Variants in TMEM135 observed in about 807,000 individuals in gnomAD.
The protein encoded by TMEM135 is peroxisomal membrane protein 52.
TMEM135 carries 30 observed loss-of-function variants against 60.3 expected under a neutral mutation model. The observed-to-expected ratio is 0.50, with a 90% CI of 0.37 to 0.68. TMEM135 has a LOEUF of 0.68. Ranked by LOEUF, TMEM135 falls within the 30% of genes least tolerant of loss-of-function variation. The pLI is 0.00. For synonymous variants in TMEM135, 190 were observed against 186.7 expected (o/e 1.02, Z -0.14); for missense variants, 468 against 548.8 (o/e 0.85, Z 1.47).
chr11:87,194,337 TAA>T (rs1430759097), intron 5 of TMEM135, among the ~76,000 whole-genome samples: 1 of 152,204 alleles, frequency 6.6e-6, no homozygotes, highest in Admixed American at 6.5e-5. Context: ...TTACTTATGC[TAA>T]AGTTTGCAGT....
At chr11:87,261,640 T>C (rs1015414915) in intron 6 of TMEM135, among the ~76,000 whole-genome samples, 1 of 151,966 alleles carries the variant, frequency 6.6e-6, no homozygotes, top group African/African-American at 2.4e-5. Context: ...CTAGAATTCT[T>C]TTTTTTTGAG....
Position 87,043,144 on chromosome 11 carries a change from G to A in TMEM135, c.141+4958G>A, listed in dbSNP as rs184921635. On this transcript the variant is annotated intron_variant, in intron 1 of 14. Coordinates refer to ENST00000305494, the MANE Select transcript of TMEM135 (RefSeq NM_022918.4). ...CTAATTTTGTATTTTTAGTAGAGACGGGGTTTCTGCATGTTGGTCAGGTTG... is the reference window on the plus strand; with the variant it reads ...CTAATTTTGTATTTTTAGTAGAGACAGGGTTTCTGCATGTTGGTCAGGTTG... Among the ~76,000 whole-genome samples the A allele has an allele frequency of 1.9e-4, 29 of 151,368 alleles. No individual in the cohort carries two copies. The East Asian group carries it at 3.9e-3, about 21-fold the overall frequency.
Position 87,302,440 on chromosome 11 carries a change from A to C in TMEM135, c.696A>C (p.Ser232=), listed in dbSNP as rs143809398. 9.5e-5 allele frequency: 153 copies of C among 1,613,820 alleles called. 1 individual carries two copies. In the African/African-American group the frequency reaches 1.7e-3, roughly 18 times the overall value. ...MIGLVRKFVD[S]ICKHGPRHRC... ...GTCTAGTCAGGAAATTTGTGGATTC[A>C]ATGTGAGCTCTTTATCTTGATATTT... The change falls in exon 8 of 15, where the codon TCA becomes TCC. Residue 232 remains serine (S), a splice_region_variant and synonymous_variant. Coordinates refer to ENST00000305494, the MANE Select transcript of TMEM135 (RefSeq NM_022918.4).
intron 6 of TMEM135, among the ~76,000 whole-genome samples, chr11:87,270,063 T>A (rs1440732783): frequency 2.9e-5 from 4 of 137,762 alleles, no homozygotes; most frequent in Admixed American, 7.3e-5. Context: ...GGTATCTCAT[T>A]GTGGTTTTGA....
intron 1 of TMEM135, among the ~76,000 whole-genome samples, chr11:87,066,582 C>T (rs532833900): frequency 6.1e-5 from 8 of 132,226 alleles, no homozygotes; most frequent in Non-Finnish European, 1.2e-4. Context: ...ATCTTCCTTT[C>T]ATATTCAGAG....
intron 5 of TMEM135, among the ~76,000 whole-genome samples, chr11:87,194,841 G>C (rs951035442): frequency 6.6e-6 from 1 of 152,024 alleles, no homozygotes; most frequent in African/African-American, 2.4e-5. Context: ...GAAATTATAG[G>C]TATCTTGCTA....
intron 3 of TMEM135, among the ~76,000 whole-genome samples, chr11:87,080,165 A>AGT (rs201693904): frequency 0.17 from 19,697 of 117,492 alleles, 1,487 homozygotes; most frequent in Middle Eastern, 0.18. Flanking sequence ...GCCTGTTTGC[A>AGT]GTGTTTTTTT....
chr11:87,239,846 A>T (rs1273346718), intron 6 of TMEM135, among the ~76,000 whole-genome samples: 1 of 152,138 alleles, frequency 6.6e-6, no homozygotes, highest in African/African-American at 2.4e-5. Context: ...GAATTTACTT[A>T]AAAGCAACAC....
intron 5 of TMEM135, among the ~76,000 whole-genome samples, chr11:87,174,697 G>T (rs774825902): frequency 6.6e-6 from 1 of 152,138 alleles, no homozygotes; most frequent in Non-Finnish European, 1.5e-5. Context: ...GTCATCGATA[G>T]CTCCTTGGAA....
intron 5 of TMEM135, among the ~76,000 whole-genome samples, chr11:87,172,019 C>T (rs529303041): frequency 3.7e-4 from 57 of 152,224 alleles, no homozygotes; most frequent in African/African-American, 1.3e-3. Context: ...GGGACCAGTA[C>T]CTGTACATCT....
chr11:87,241,163 C>T (rs1369454199), intron 6 of TMEM135, among the ~76,000 whole-genome samples: 4 of 151,960 alleles, frequency 2.6e-5, no homozygotes, highest in Non-Finnish European at 4.4e-5. Context: ...TATTTATTGG[C>T]TGGACAACCT....
At chr11:87,111,782 A>T (rs79594051) in intron 4 of TMEM135, among the ~76,000 whole-genome samples, 1 of 151,970 alleles carries the variant, frequency 6.6e-6, no homozygotes, top group East Asian at 1.9e-4. Context: ...GCTCCCATAC[A>T]TTTTTCCATT....
rs756573378 is a variant in TMEM135, at chr11:87,326,763, A to C, written c.*5430A>C. 43 of 445,506 alleles carry C rather than the reference A, an allele frequency of 9.7e-5. 2 individuals are homozygous for C. Among genetic ancestry groups the C allele is most frequent in the South Asian group, 6.9e-4 (43 of 62,018 alleles). 27.6% of individuals were successfully genotyped at this position (445,506 alleles called of 1,614,324 possible). ...AGGTAAATAATATCTGCAAAGCTTC[A>C]GGAAGAAATTCAGTTGCATCTGAAT... On this transcript the variant is annotated 3_prime_UTR_variant, in exon 15 of 15. Coordinates refer to ENST00000305494, the MANE Select transcript of TMEM135 (RefSeq NM_022918.4).
intron 5 of TMEM135, among the ~76,000 whole-genome samples, chr11:87,172,434 T>TA (rs1252614095): frequency 2.0e-5 from 3 of 152,036 alleles, no homozygotes; most frequent in East Asian, 3.9e-4. Context: ...TTTTTTTTTT[T>TA]ACCTACTTTT....
At chr11:87,127,475 A>G (rs1937767303) in intron 4 of TMEM135, among the ~76,000 whole-genome samples, 1 of 152,104 alleles carries the variant, frequency 6.6e-6, no homozygotes, top group African/African-American at 2.4e-5. Flanking sequence ...TTTTGATCCC[A>G]GGTTCTTTCT....
At chr11:87,277,933 T>A (rs1941997730) in intron 6 of TMEM135, among the ~76,000 whole-genome samples, 1 of 152,240 alleles carries the variant, frequency 6.6e-6, no homozygotes, top group South Asian at 2.1e-4. Context: ...TTCTAATAGA[T>A]CTATAGATGA....
At chr11:87,253,186 A>AT (rs1166840443) in intron 6 of TMEM135, among the ~76,000 whole-genome samples, 2 of 152,068 alleles carry the variant, frequency 1.3e-5, no homozygotes, top group South Asian at 2.1e-4. Context: ...ATCTGTTGTC[A>AT]TTTTTTTACC....
In TMEM135 at chr11:87,070,146, C is replaced by G. The variant is rs1856747512; in HGVS notation, c.270-1377C>G. 3.3e-5 allele frequency among the ~76,000 whole-genome samples: 5 copies of G among 152,156 alleles called. 1 individual carries two copies. The South Asian group carries it at 1.0e-3, about 32-fold the overall frequency. Reference sequence around the variant, plus strand: ...CATGATTGTAGCACTGCATGCCAGCCTGGTGACAGGGCAAGACCTTGTCTC... The same window carrying G: ...CATGATTGTAGCACTGCATGCCAGCGTGGTGACAGGGCAAGACCTTGTCTC... On this transcript the variant is annotated intron_variant, in intron 2 of 14. Coordinates refer to ENST00000305494, the MANE Select transcript of TMEM135 (RefSeq NM_022918.4).
At chr11:87,207,358 A>G (rs1940257780) in intron 5 of TMEM135, among the ~76,000 whole-genome samples, 1 of 152,114 alleles carries the variant, frequency 6.6e-6, no homozygotes, top group Admixed American at 6.5e-5. Context: ...CTCTTACCTT[A>G]TGGCTCTTTT....
Sources: gnomAD v4.1 joint callset for allele counts (sites outside exome capture counted in the v4.1 genomes callset) on GRCh38, gnomAD v4.1.1 for gene constraint, MANE v1.5 for transcripts, NCBI Gene and HGNC (gene_info 2026-07-23, HGNC 2026-07-21) for gene names.